The following ERAP2 variants were observed in gnomAD, a reference collection of about 807,000 sequenced individuals.
ERAP2 encodes the protein leukocyte-derived arginine aminopeptidase.
Under a neutral mutation model 111.1 loss-of-function variants are expected in ERAP2, and 118 were observed. That is an observed-to-expected ratio of 1.06 (90% CI 0.92 to 1.24). ERAP2 has a LOEUF of 1.24. ERAP2 is among the 50% of genes most tolerant of loss of function. The probability of loss-of-function intolerance (pLI) is 0.00; values close to 1 mark genes in which losing one functional copy is unlikely to be tolerated. For synonymous variants in ERAP2, 410 were observed against 401.2 expected (o/e 1.02, Z -0.26); for missense variants, 1,131 against 1,125.8 (o/e 1.00, Z -0.07).
chr5:96,890,610 G>A lies in ERAP2; in HGVS notation c.970+1305G>A, dbSNP rs147138521. Among the ~76,000 whole-genome samples, 1,224 of 152,212 alleles carry A rather than the reference G, an allele frequency of 8.0e-3. 5 individuals are homozygous for A. Among genetic ancestry groups the A allele is most frequent in the Non-Finnish European group, 0.011 (771 of 68,018 alleles). ...ACAATTTTTTTCCTTTGGAATTTAGGATATACTTCTTATCCTGTCCTTTTT... is the reference window on the plus strand; with the variant it reads ...ACAATTTTTTTCCTTTGGAATTTAGAATATACTTCTTATCCTGTCCTTTTT... On this transcript the variant is annotated intron_variant, in intron 5 of 18. Transcript: ENST00000437043.
At chr5:96,884,982 G>A (rs968525510) in intron 3 of ERAP2, among the ~76,000 whole-genome samples, 1 of 152,092 alleles carries the variant, frequency 6.6e-6, no homozygotes, top group African/African-American at 2.4e-5. Flanking sequence ...TCACCATCCT[G>A]GAAGAACTTA....
intron 5 of ERAP2, among the ~76,000 whole-genome samples, chr5:96,890,027 G>A (rs1784169967): frequency 1.3e-5 from 2 of 152,306 alleles, no homozygotes; most frequent in South Asian, 4.1e-4. Context: ...TGGATGGTAA[G>A]ACTGTGGAAC....
rs766266979 is a variant in ERAP2 at position 96,886,719 on chromosome 5, G to C, written c.779G>C (p.Ser260Thr). Reference protein sequence around the residue: ...EDHFETTVKMSTYLVAYIVCD... With the variant: ...EDHFETTVKMTTYLVAYIVCD... ...CACTTTGAAACTACTGTAAAAATGAGTACATACCTTGTAGCCTACATAGTT... is the reference window on the plus strand; with the variant it reads ...CACTTTGAAACTACTGTAAAAATGACTACATACCTTGTAGCCTACATAGTT... The change falls in exon 4 of 19, where the codon AGT becomes ACT. Residue 260 changes from serine to threonine, a missense_variant. Coordinates refer to ENST00000437043, the MANE Select transcript of ERAP2 (RefSeq NM_022350.5). 2.6e-6 allele frequency: 4 copies of C among 1,554,220 alleles called. No individual in the cohort carries two copies. The African/African-American group carries it at 5.4e-5, about 21-fold the overall frequency.
rs770591838 is a variant in ERAP2, at chr5:96,896,755, C to G, written c.1395C>G (p.Leu465=). Residue 465 remains leucine (L), a synonymous_variant, in exon 9 of 19, where the codon CTC becomes CTG. Coordinates refer to ENST00000437043, the MANE Select transcript of ERAP2 (RefSeq NM_022350.5). ...YNKGACILNM[L]KDFLGEEKFQ... ...AGGGAGCTTGTATTTTGAATATGCT[C>G]AAGGATTTTCTGGGTGAGGAGAAAT... 1 of 1,588,588 alleles carries G rather than the reference C, an allele frequency of 6.3e-7. No individual in the cohort carries two copies. The highest frequency in any genetic ancestry group is 1.4e-5 in the African/African-American group (1 of 73,220).
intron 9 of ERAP2, among the ~76,000 whole-genome samples, 182 bp downstream of exon 9, chr5:96,897,045 G>A (rs540889364): frequency 2.0e-4 from 14 of 68,402 alleles, no homozygotes; most frequent in South Asian, 1.1e-3. Flanking sequence ...AGGATGTCAC[G>A]CTGGGGTGGC....
intron 7 of ERAP2, among the ~76,000 whole-genome samples, chr5:96,896,057 G>A (rs955677955): frequency 2.0e-5 from 3 of 152,148 alleles, no homozygotes; most frequent in Non-Finnish European, 4.4e-5. Context: ...GATTGCAGAT[G>A]ATAGGTCTAG....
chr5:96,878,810 C>A (rs948457344), intron 1 of ERAP2, among the ~76,000 whole-genome samples: 2 of 152,202 alleles, frequency 1.3e-5, no homozygotes, highest in African/African-American at 4.8e-5. Flanking sequence ...TACCTGTAAT[C>A]CCAGCTACTC....
intron 13 of ERAP2, among the ~76,000 whole-genome samples, chr5:96,905,088 C>T (rs1444281102): frequency 6.6e-6 from 1 of 152,108 alleles, no homozygotes; most frequent in African/African-American, 2.4e-5. Context: ...GAAGATAAAG[C>T]AGTAAGTGCA....
chr5:96,909,824 T>A, intron 15 of ERAP2, 60 bp downstream of exon 15: 2 of 1,540,874 alleles, frequency 1.3e-6, no homozygotes, highest in Non-Finnish European at 1.8e-6. Flanking sequence ...AAGTCTTTGA[T>A]CAAGCAAGAC....
intron 15 of ERAP2, among the ~76,000 whole-genome samples, chr5:96,911,899 G>GA (rs1306919292): frequency 1.5e-4 from 17 of 112,236 alleles, no homozygotes; most frequent in African/African-American, 5.3e-4. Flanking sequence ...AGAAAGAAAA[G>GA]AAAAAAATGG....
At chr5:96,916,618 C>A (rs1787429242) in intron 18 of ERAP2, among the ~76,000 whole-genome samples, 1 of 151,740 alleles carries the variant, frequency 6.6e-6, no homozygotes, top group African/African-American at 2.4e-5. Flanking sequence ...AGGCTGCCAC[C>A]ATGCCCACCT....
rs1786935569 is a variant in ERAP2 at position 96,912,705 on chromosome 5, T to G, written c.2423T>G (p.Leu808Arg). 4.4e-6 allele frequency: 7 copies of G among 1,607,706 alleles called. No individual in the cohort carries two copies. Among genetic ancestry groups the G allele is most frequent in the Non-Finnish European group, 5.9e-6 (7 of 1,178,044 alleles). ...GAQTTAGWNY[L>R]LEQYELSMSS... is the part of the protein sequence containing the mutation. ...CAGACAACAGCAGGATGGAATTACC[T>G]TTTAGAGCAATATGAACTGTCAATG... is the stretch of plus-strand genomic sequence containing the variant. Residue 808 changes from leucine (L) to arginine (R), a missense_variant, in exon 16 of 19, where the codon CTT becomes CGT. By Grantham distance (102) the Leu-to-Arg change is moderately radical. Coordinates refer to ENST00000437043, the MANE Select transcript of ERAP2 (RefSeq NM_022350.5).
At chr5:96,891,475 A>G (rs547352196) in intron 5 of ERAP2, among the ~76,000 whole-genome samples, 2 of 89,376 alleles carry the variant, frequency 2.2e-5, no homozygotes, top group East Asian at 7.9e-4. Flanking sequence ...ATACAGGTAT[A>G]TATATATATG....
At chr5:96,903,886 A>G (rs1234419248) in intron 13 of ERAP2, among the ~76,000 whole-genome samples, 2 of 152,132 alleles carry the variant, frequency 1.3e-5, no homozygotes, top group Non-Finnish European at 2.9e-5. Context: ...CAGTGGGCCA[A>G]ACTCTCTTTA....
intron 9 of ERAP2, among the ~76,000 whole-genome samples, chr5:96,899,446 A>T (rs532192508): frequency 6.6e-6 from 1 of 152,342 alleles, no homozygotes; most frequent in African/African-American, 2.4e-5. Context: ...GCAACTTGAG[A>T]ATGAGAAGAA....
intron 2 of ERAP2, among the ~76,000 whole-genome samples, chr5:96,883,468 G>A (rs576229194): frequency 2.0e-4 from 31 of 152,268 alleles, no homozygotes; most frequent in Middle Eastern, 3.4e-3. Flanking sequence ...TAGACAACAT[G>A]TGTACTATTT....
Position 96,909,694 on chromosome 5 carries a change from A to T in ERAP2, c.2284A>T (p.Asn762Tyr). ...SALLKLACDL[N>Y]HAPCIQKAAE... ...TCTCTTGAAGCTGGCCTGTGACCTG[A>T]ACCATGCTCCTTGCATCCAGAAAGC... is the stretch of plus-strand genomic sequence containing the variant. The change falls in exon 15 of 19, where the codon AAC becomes TAC. Residue 762 changes from asparagine to tyrosine, a missense_variant. Physicochemically the swap from Asn to Tyr is moderately radical, Grantham distance 143. Around this residue, in one of 3 missense-constraint regions of ERAP2, gnomAD observed 279 missense variants for 250.9 expected, o/e 1.11. Transcript: ENST00000437043. 2.5e-6 allele frequency: 4 copies of T among 1,614,200 alleles called. No individual in the cohort carries two copies. The highest frequency in any genetic ancestry group is 3.4e-6 in the Non-Finnish European group (4 of 1,180,018).
chr5:96,908,748 C>T (rs1786375727), intron 13 of ERAP2, among the ~76,000 whole-genome samples: 1 of 152,094 alleles, frequency 6.6e-6, no homozygotes, highest in Non-Finnish European at 1.5e-5. Flanking sequence ...ATTATTATCC[C>T]CATTGTATAA....
intron 12 of ERAP2, 148 bp downstream of exon 12, chr5:96,902,501 A>G: frequency 1.8e-6 from 1 of 543,362 alleles, no homozygotes; most frequent in South Asian, 2.8e-5. Flanking sequence ...TACTAAAATA[A>G]CTCTTTTAGT....
Sources: allele counts gnomAD v4.1 joint callset (sites outside exome capture counted in the v4.1 genomes callset), GRCh38; gene constraint gnomAD v4.1.1; regional missense constraint gnomAD v4.1.1; transcripts MANE v1.5; gene names NCBI Gene and HGNC (gene_info 2026-07-23, HGNC 2026-07-21).